The following METTL15 variants were observed in gnomAD, a reference collection of about 807,000 sequenced individuals.
METTL15 encodes the protein methyltransferase 15, mitochondrial 12S rRNA N4-cytidine.
Under a neutral mutation model 38.3 loss-of-function variants are expected in METTL15, and 34 were observed. The observed-to-expected ratio is 0.89, with a 90% CI of 0.68 to 1.18. The LOEUF (loss-of-function observed/expected upper bound fraction) is 1.18, where lower values mean the gene tolerates loss of function less well. Among genes scored for constraint, METTL15 ranks in the 50% most tolerant of loss-of-function variants. The probability of loss-of-function intolerance (pLI) is 0.00; values close to 1 mark genes in which losing one functional copy is unlikely to be tolerated. For synonymous variants in METTL15, 162 were observed against 170.9 expected (o/e 0.95, Z 0.41); for missense variants, 438 against 498.4 (o/e 0.88, Z 1.15).
At chr11:28,227,156 A>G (rs1853513505) in intron 4 of METTL15, among the ~76,000 whole-genome samples, 2 of 151,854 alleles carry the variant, frequency 1.3e-5, no homozygotes, top group Admixed American at 6.6e-5. Context: ...CCGAGGCTTG[A>G]GGAATATATG....
chr11:28,231,704 C>T (rs957207222), intron 4 of METTL15, among the ~76,000 whole-genome samples: 9 of 151,770 alleles, frequency 5.9e-5, no homozygotes, highest in Non-Finnish European at 1.2e-4. Context: ...TGTTTATTTA[C>T]GTAGCGTTAT....
intron 6 of METTL15, among the ~76,000 whole-genome samples, chr11:28,477,322 G>T (rs539769249): frequency 2.0e-5 from 3 of 152,076 alleles, no homozygotes; most frequent in African/African-American, 7.2e-5. Flanking sequence ...GACTACAGGT[G>T]TGCACCACCA....
At chr11:28,206,241 G>C (rs371006760) in intron 3 of METTL15, among the ~76,000 whole-genome samples, 54,996 of 148,336 alleles carry the variant, frequency 0.37, 11,795 homozygotes, top group African/African-American at 0.59. Context: ...ATGGTTTTAG[G>C]TCTAACGTTT....
chr11:28,348,905 A>G (rs1850018979), intron 3 of METTL15, among the ~76,000 whole-genome samples: 1 of 152,154 alleles, frequency 6.6e-6, no homozygotes. Flanking sequence ...CTATTATGAA[A>G]GGTGTTCCAG....
At chr11:28,122,192 A>G (rs1474582724) in intron 3 of METTL15, 7 of 1,254,388 alleles carry the variant, frequency 5.6e-6, no homozygotes, top group African/African-American at 1.6e-5. Context: ...TAAATTTAAC[A>G]TTTTTTTAAA....
At chr11:28,413,432 G>A (rs1201681736) in intron 5 of METTL15, among the ~76,000 whole-genome samples, 1 of 151,980 alleles carries the variant, frequency 6.6e-6, no homozygotes, top group Non-Finnish European at 1.5e-5. Flanking sequence ...CGTTTCCTGC[G>A]AGATATAATT....
chr11:28,512,125 C>G (rs1851679836), intron 6 of METTL15, among the ~76,000 whole-genome samples: 2 of 152,124 alleles, frequency 1.3e-5, no homozygotes, highest in Admixed American at 1.3e-4. Flanking sequence ...ACTAGATTAT[C>G]TAGATATGGA....
intron 4 of METTL15, among the ~76,000 whole-genome samples, chr11:28,285,357 A>C (rs1305340655): frequency 7.0e-6 from 1 of 143,258 alleles, no homozygotes; most frequent in Non-Finnish European, 1.5e-5. Flanking sequence ...TTAAAACATC[A>C]TGAGATTTTT....
At chr11:28,119,890 A>G (rs1228681251) in intron 3 of METTL15, among the ~76,000 whole-genome samples, 1 of 152,208 alleles carries the variant, frequency 6.6e-6, no homozygotes, top group African/African-American at 2.4e-5. Context: ...TTTGACTCCA[A>G]ATTGTTAAAG....
chr11:28,432,113 G>T (rs1850937556), intron 6 of METTL15, among the ~76,000 whole-genome samples: 1 of 152,210 alleles, frequency 6.6e-6, no homozygotes, highest in Admixed American at 6.5e-5. Flanking sequence ...ACCTTTGTGT[G>T]CCATGCAAGG....
intron 3 of METTL15, among the ~76,000 whole-genome samples, chr11:28,142,048 T>C (rs1471929427): frequency 6.6e-6 from 1 of 152,242 alleles, no homozygotes; most frequent in East Asian, 1.9e-4. Context: ...TCAGTCGTAT[T>C]ATTTGCAAAG....
intron 4 of METTL15, among the ~76,000 whole-genome samples, chr11:28,353,977 T>A (rs1362993403): frequency 6.7e-6 from 1 of 148,812 alleles, no homozygotes; most frequent in Non-Finnish European, 1.5e-5. Context: ...GTCTAATGTC[T>A]ATCTTGTAAT....
intron 4 of METTL15, among the ~76,000 whole-genome samples, chr11:28,268,196 CAA>C (rs71050954): frequency 6.2e-5 from 4 of 64,174 alleles, no homozygotes; most frequent in South Asian, 8.1e-4. Context: ...GACTCCGTCT[CAA>C]AAAAAAAAAA....
intron 5 of METTL15, among the ~76,000 whole-genome samples, chr11:28,292,584 T>C (rs1856561790): frequency 6.6e-6 from 1 of 152,176 alleles, no homozygotes; most frequent in Non-Finnish European, 1.5e-5. Context: ...AGTAATGAGA[T>C]GGCTGGGTCA....
At chr11:28,279,484 C>A (rs1274356573) in intron 4 of METTL15, among the ~76,000 whole-genome samples, 1 of 152,058 alleles carries the variant, frequency 6.6e-6, no homozygotes, top group Non-Finnish European at 1.5e-5. Context: ...GTTCCTTTTT[C>A]TCTCCTTTAT....
At chr11:28,362,722 G>A (rs191718312) in intron 5 of METTL15, among the ~76,000 whole-genome samples, 2 of 152,256 alleles carry the variant, frequency 1.3e-5, no homozygotes, top group East Asian at 1.9e-4. Context: ...TGGCTGCATA[G>A]TATTCCATGG....
chr11:28,147,524 C>T (rs1397921033), intron 3 of METTL15, among the ~76,000 whole-genome samples: 1 of 151,800 alleles, frequency 6.6e-6, no homozygotes, highest in African/African-American at 2.4e-5. Flanking sequence ...TGCTGCATCT[C>T]ATAATCAGTA....
intron 6 of METTL15, among the ~76,000 whole-genome samples, chr11:28,501,403 C>G (rs769902905): frequency 6.6e-6 from 1 of 152,160 alleles, no homozygotes; most frequent in Non-Finnish European, 1.5e-5. Context: ...ATGAATGTAG[C>G]GCTTTAGAAC....
chr11:28,131,444 T>A (rs978009214), intron 3 of METTL15, among the ~76,000 whole-genome samples: 4 of 151,608 alleles, frequency 2.6e-5, no homozygotes, highest in African/African-American at 9.7e-5. Flanking sequence ...GTGTGTAATT[T>A]CAGCATACTT....
Sources: allele counts gnomAD v4.1 joint callset (sites outside exome capture counted in the v4.1 genomes callset), GRCh38; gene constraint gnomAD v4.1.1; transcripts MANE v1.5; gene names NCBI Gene and HGNC (gene_info 2026-07-23, HGNC 2026-07-21).